Variants in FBXL7 observed in about 807,000 individuals in gnomAD.
FBXL7 encodes F-box/LRR-repeat protein 7.
FBXL7 carries 12 observed loss-of-function variants against 38.3 expected under a neutral mutation model. That is an observed-to-expected ratio of 0.31 (90% CI 0.20 to 0.51). The LOEUF is 0.51. Among genes scored for constraint, FBXL7 ranks in the 20% least tolerant of loss-of-function variants. FBXL7 has a pLI of 0.98. For synonymous variants in FBXL7, 297 were observed against 300.9 expected (o/e 0.99, Z 0.13); for missense variants, 567 against 676.4 (o/e 0.84, Z 1.79).
At chr5:15,598,541 T>G (rs558442949) in intron 1 of FBXL7, among the ~76,000 whole-genome samples, 1 of 152,254 alleles carries the variant, frequency 6.6e-6, no homozygotes, top group South Asian at 2.1e-4. Flanking sequence ...AGAAGTCCAG[T>G]GGTAGGGTGG....
At chr5:15,847,395 G>C (rs1307688971) in intron 2 of FBXL7, among the ~76,000 whole-genome samples, 1 of 152,046 alleles carries the variant, frequency 6.6e-6, no homozygotes, top group East Asian at 1.9e-4. Flanking sequence ...AAGAACAGCA[G>C]CATGAGGGCA....
intron 1 of FBXL7, among the ~76,000 whole-genome samples, chr5:15,515,823 CATG>C (rs1413734622): frequency 7.9e-5 from 12 of 152,130 alleles, no homozygotes; most frequent in African/African-American, 2.7e-4. Flanking sequence ...AATATGTACT[CATG>C]ATTATACTAG....
chr5:15,573,922 T>G (rs2126456878), intron 1 of FBXL7, among the ~76,000 whole-genome samples: 1 of 152,316 alleles, frequency 6.6e-6, no homozygotes, highest in African/African-American at 2.4e-5. Context: ...GCTGGAAACT[T>G]CTGAGTCATA....
At chr5:15,591,183 A>G (rs946568692) in intron 1 of FBXL7, among the ~76,000 whole-genome samples, 4 of 152,096 alleles carry the variant, frequency 2.6e-5, no homozygotes, top group Admixed American at 2.0e-4. Flanking sequence ...TAATCCCAGC[A>G]CTTTGGGAGG....
chr5:15,917,648 A>G (rs6888294), intron 2 of FBXL7, among the ~76,000 whole-genome samples: 3,205 of 50,146 alleles, frequency 0.064, 115 homozygotes, highest in African/African-American at 0.27. Context: ...AAGGGAGGGA[A>G]GGAAGGAAGG....
At chr5:15,913,161 A>G (rs923561589) in intron 2 of FBXL7, among the ~76,000 whole-genome samples, 1 of 151,816 alleles carries the variant, frequency 6.6e-6, no homozygotes, top group African/African-American at 2.4e-5. Context: ...AGTGCCTTGG[A>G]TATAGTAAGT....
In FBXL7 at chr5:15,577,945, C is replaced by T. The variant is rs532195890; in HGVS notation, c.38-38038C>T. ...GTTATGAAAAGATTGTTGCATATTG[C>T]AGATTGACATGGAGCTGTTCTTCTG... On this transcript the variant is annotated intron_variant, in intron 1 of 3. Coordinates refer to ENST00000504595, the MANE Select transcript of FBXL7 (RefSeq NM_012304.5). Among the ~76,000 whole-genome samples, 473 of 152,210 alleles carry T rather than the reference C, an allele frequency of 3.1e-3. 5 individuals carry two copies. The highest frequency in any genetic ancestry group is 0.01 in the African/African-American group (430 of 41,518).
At chr5:15,833,463 A>G (rs1301507048) in intron 2 of FBXL7, among the ~76,000 whole-genome samples, 2 of 152,226 alleles carry the variant, frequency 1.3e-5, no homozygotes, top group African/African-American at 2.4e-5. Context: ...TATGAATTTT[A>G]TGGGGACACA....
intron 1 of FBXL7, among the ~76,000 whole-genome samples, chr5:15,535,543 CCTGGCGCTAGAGAT>C (rs1737560409): frequency 6.6e-6 from 1 of 152,142 alleles, no homozygotes; most frequent in South Asian, 2.1e-4. Flanking sequence ...AGCATTTTGC[CCTGGCGCTAGAGAT>C]CTGTGGAACT....
intron 2 of FBXL7, among the ~76,000 whole-genome samples, chr5:15,801,633 C>A (rs967794336): frequency 8.5e-6 from 1 of 117,328 alleles, no homozygotes; most frequent in African/African-American, 4.1e-5. Context: ...AAGGGGGAGT[C>A]AGTGTGTGTG....
At chr5:15,741,195 C>A (rs1239194152) in intron 2 of FBXL7, among the ~76,000 whole-genome samples, 1 of 152,116 alleles carries the variant, frequency 6.6e-6, no homozygotes, top group Non-Finnish European at 1.5e-5. Context: ...ACTGTCTAAT[C>A]TTGTGTATTT....
chr5:15,877,391 G>T (rs962117109), intron 2 of FBXL7, among the ~76,000 whole-genome samples: 6 of 152,108 alleles, frequency 3.9e-5, no homozygotes, highest in African/African-American at 1.4e-4. Flanking sequence ...ATGTGAAATG[G>T]CAACAGAAAT....
At chr5:15,797,480 TC>T (rs1737447716) in intron 2 of FBXL7, among the ~76,000 whole-genome samples, 1 of 152,212 alleles carries the variant, frequency 6.6e-6, no homozygotes, top group South Asian at 2.1e-4. Context: ...CAATAGGATC[TC>T]CCATCTTCTG....
intron 2 of FBXL7, 23 bp downstream of exon 2, chr5:15,616,095 C>T: frequency 1.4e-6 from 2 of 1,465,346 alleles, no homozygotes; most frequent in Non-Finnish European, 1.8e-6. Context: ...TCTTCATTAT[C>T]TCTCTTTCTT....
At chr5:15,838,284 G>A (rs1177571036) in intron 2 of FBXL7, among the ~76,000 whole-genome samples, 1 of 152,188 alleles carries the variant, frequency 6.6e-6, no homozygotes, top group Non-Finnish European at 1.5e-5. Context: ...GAGAACCCTA[G>A]ATTGAAGCGT....
chr5:15,752,617 AT>A lies in FBXL7; in HGVS notation c.127+136553del, dbSNP rs1297936310. 5.3e-5 allele frequency among the ~76,000 whole-genome samples: 8 copies of A among 152,150 alleles called. No homozygotes were observed. The East Asian group carries it at 1.5e-3, about 29-fold the overall frequency. Reference sequence around the variant, plus strand: ...GATTTCAAAAGCATTAAGAGTTGTAATTTTTTTTGAAGTCCAGAAACAATAT... The same window carrying A: ...GATTTCAAAAGCATTAAGAGTTGTAATTTTTTTGAAGTCCAGAAACAATAT... On this transcript the variant is annotated intron_variant, in intron 2 of 3. Coordinates refer to ENST00000504595, the MANE Select transcript of FBXL7 (RefSeq NM_012304.5).
chr5:15,644,761 C>T (rs1741479280), intron 2 of FBXL7, among the ~76,000 whole-genome samples: 1 of 152,134 alleles, frequency 6.6e-6, no homozygotes, highest in Non-Finnish European at 1.5e-5. Context: ...TTTTCAGATA[C>T]AGAGAACCTA....
At chr5:15,739,147 C>T (rs563194782) in intron 2 of FBXL7, among the ~76,000 whole-genome samples, 247 of 152,320 alleles carry the variant, frequency 1.6e-3, no homozygotes, top group African/African-American at 5.6e-3. Context: ...AGCATCTTGG[C>T]ATCCACTTCA....
At chr5:15,782,253 G>C (rs1335994332) in intron 2 of FBXL7, among the ~76,000 whole-genome samples, 1 of 152,104 alleles carries the variant, frequency 6.6e-6, no homozygotes. Flanking sequence ...TTTTTTCCAA[G>C]TCTTTGCTAT....
Sources: allele counts gnomAD v4.1 joint callset (sites outside exome capture counted in the v4.1 genomes callset), GRCh38; gene constraint gnomAD v4.1.1; transcripts MANE v1.5; gene names NCBI Gene and HGNC (gene_info 2026-07-23, HGNC 2026-07-21).